The following GPC6 variants were observed in gnomAD, a reference collection of about 807,000 sequenced individuals.
GPC6 encodes the protein glypican 6, also known as glypican-6.
GPC6 carries 14 observed loss-of-function variants against 55.2 expected under a neutral mutation model. The ratio of observed to expected loss-of-function variants is 0.25; its 90% CI spans 0.17 to 0.40. GPC6 has a LOEUF of 0.40. GPC6 is among the 10% of genes least tolerant of loss of function. GPC6 has a pLI of 1.00. For missense variants in GPC6, 641 were observed against 708.5 expected, an observed-to-expected ratio of 0.90 and a Z score of 1.08; for synonymous variants, 278 against 259.6, an observed-to-expected ratio of 1.07 and a Z score of -0.68.
At chr13:93,443,875 TTA>T (rs35760866) in intron 1 of GPC6, among the ~76,000 whole-genome samples, 47,130 of 151,946 alleles carry the variant, frequency 0.31, 7,418 homozygotes, top group East Asian at 0.36. Context: ...GGAAGATACT[TTA>T]TGACATCAGA....
At chr13:94,247,856 C>T (rs749348013) in intron 4 of GPC6, among the ~76,000 whole-genome samples, 6 of 151,680 alleles carry the variant, frequency 4.0e-5, no homozygotes, top group Non-Finnish European at 5.9e-5. Flanking sequence ...ATGGGGGTCT[C>T]GCTGTTTTGC....
chr13:94,244,117 T>G (rs1256579192), intron 4 of GPC6, among the ~76,000 whole-genome samples: 1 of 152,202 alleles, frequency 6.6e-6, no homozygotes, highest in Non-Finnish European at 1.5e-5. Context: ...TTATTCCTTA[T>G]TTCCTCTCCT....
chr13:93,248,238 G>GGTT (rs1876668018), intron 1 of GPC6, among the ~76,000 whole-genome samples: 2 of 151,980 alleles, frequency 1.3e-5, no homozygotes, highest in African/African-American at 4.8e-5. Flanking sequence ...TTTTACAACT[G>GGTT]GAATAACAAT....
chr13:94,207,890 C>G (rs889586984), intron 4 of GPC6, among the ~76,000 whole-genome samples: 22 of 152,112 alleles, frequency 1.4e-4, no homozygotes, highest in African/African-American at 5.3e-4. Context: ...TTTACTTTTG[C>G]ACCAACCTTA....
At chr13:93,409,816 G>A (rs567895633) in intron 1 of GPC6, among the ~76,000 whole-genome samples, 9 of 152,262 alleles carry the variant, frequency 5.9e-5, no homozygotes, top group African/African-American at 1.4e-4. Context: ...AGATTTTCAC[G>A]TTCAAACTGT....
At chr13:93,929,326 T>C (rs1185686931) in intron 3 of GPC6, among the ~76,000 whole-genome samples, 1 of 152,236 alleles carries the variant, frequency 6.6e-6, no homozygotes, top group Non-Finnish European at 1.5e-5. Context: ...ACCTTTTCCA[T>C]ACATTTTATG....
rs1881339091 is a variant in GPC6, at chr13:94,405,700, A to G, written c.*2483A>G. Reference sequence around the variant, plus strand: ...CTGCTTCATTTGTTTCAACACCTTCATTATCAATATGATTCATATTGATGA... The same window carrying G: ...CTGCTTCATTTGTTTCAACACCTTCGTTATCAATATGATTCATATTGATGA... On this transcript the variant is annotated 3_prime_UTR_variant, in exon 9 of 9. Transcript: ENST00000377047. 3 of 152,290 alleles carry G rather than the reference A, an allele frequency of 2.0e-5. No individual in the cohort carries two copies. The South Asian group carries it at 6.2e-4, about 32-fold the overall frequency. 9.4% of individuals were successfully genotyped at this position (152,290 alleles called of 1,614,324 possible).
At chr13:93,448,801 G>A (rs991674404) in intron 1 of GPC6, among the ~76,000 whole-genome samples, 2 of 152,096 alleles carry the variant, frequency 1.3e-5, no homozygotes, top group Admixed American at 1.3e-4. Context: ...GATTCAATAA[G>A]GAATCCTCCT....
intron 3 of GPC6, among the ~76,000 whole-genome samples, chr13:93,890,417 T>TA (rs1201285540): frequency 1.3e-5 from 2 of 152,132 alleles, no homozygotes; most frequent in Non-Finnish European, 2.9e-5. Flanking sequence ...TTGTTTACTG[T>TA]AATCAATAAG....
intron 1 of GPC6, among the ~76,000 whole-genome samples, chr13:93,434,846 G>T (rs1288126387): frequency 6.6e-6 from 1 of 151,914 alleles, no homozygotes; most frequent in Non-Finnish European, 1.5e-5. Flanking sequence ...AGCTGGAATT[G>T]CAGGGGTGCA....
chr13:93,962,352 C>T (rs1373928748), intron 3 of GPC6, among the ~76,000 whole-genome samples: 1 of 152,074 alleles, frequency 6.6e-6, no homozygotes, highest in Non-Finnish European at 1.5e-5. Context: ...TGAAAGGATA[C>T]AGAAAGAGAG....
At chr13:93,780,104 A>T (rs758885553) in intron 2 of GPC6, among the ~76,000 whole-genome samples, 2 of 152,330 alleles carry the variant, frequency 1.3e-5, no homozygotes, top group South Asian at 2.1e-4. Flanking sequence ...ATTTTTAATT[A>T]TACATGAAAG....
chr13:94,151,593 G>A (rs1034247216), intron 4 of GPC6, among the ~76,000 whole-genome samples: 4 of 152,204 alleles, frequency 2.6e-5, no homozygotes, highest in Middle Eastern at 6.8e-3. Context: ...AAAAATAGAA[G>A]GATCCACCAA....
intron 2 of GPC6, among the ~76,000 whole-genome samples, chr13:93,753,096 T>A (rs1884653497): frequency 6.6e-6 from 1 of 152,164 alleles, no homozygotes. Context: ...CTGGTAGGCT[T>A]TGGTGATGAC....
chr13:93,265,611 G>GA (rs1393551048), intron 1 of GPC6, among the ~76,000 whole-genome samples: 1 of 152,062 alleles, frequency 6.6e-6, no homozygotes, highest in Non-Finnish European at 1.5e-5. Flanking sequence ...TTGAAAACCT[G>GA]AAAAAATCTG....
In GPC6 at chr13:93,704,121, A is replaced by G. The variant is rs1357642595; in HGVS notation, c.320-126033A>G. Among the ~76,000 whole-genome samples the G allele has an allele frequency of 3.3e-5, 5 of 152,050 alleles. No individual in the cohort carries two copies. In the South Asian group the frequency reaches 6.2e-4, roughly 19 times the overall value. ...TATTGCCCATATTTATTGTTTTCAT[A>G]TTACAAATTATCCCTCGTGCCCTTC... is the stretch of plus-strand genomic sequence containing the variant. On this transcript the variant is annotated intron_variant, in intron 2 of 8. Transcript: ENST00000377047.
chr13:94,017,280 A>G (rs72645903), intron 3 of GPC6, among the ~76,000 whole-genome samples: 4 of 152,266 alleles, frequency 2.6e-5, no homozygotes, highest in African/African-American at 7.2e-5. Flanking sequence ...GGGATTTCCT[A>G]TATACACTGT....
intron 3 of GPC6, among the ~76,000 whole-genome samples, chr13:94,001,901 G>T (rs577348133): frequency 6.6e-6 from 1 of 152,134 alleles, no homozygotes; most frequent in East Asian, 1.9e-4. Flanking sequence ...ATGCTGGAGA[G>T]GTTTTAGCAT....
chr13:94,158,532 A>C (rs933823501), intron 4 of GPC6, among the ~76,000 whole-genome samples: 1 of 152,182 alleles, frequency 6.6e-6, no homozygotes, highest in African/African-American at 2.4e-5. Flanking sequence ...ATCCAGCCTA[A>C]CTTTCAGCAA....
Sources: gnomAD v4.1 joint callset for allele counts (sites outside exome capture counted in the v4.1 genomes callset) on GRCh38, gnomAD v4.1.1 for gene constraint, MANE v1.5 for transcripts, NCBI Gene and HGNC (gene_info 2026-07-23, HGNC 2026-07-21) for gene names.